Variants in MCUR1 observed in about 807,000 individuals in gnomAD.
The protein encoded by MCUR1 is mitochondrial calcium uniporter regulator 1.
In MCUR1, 37 loss-of-function variants were observed where a neutral mutation model predicts 42.0. The ratio of observed to expected loss-of-function variants is 0.88; its 90% CI spans 0.68 to 1.16. MCUR1 has a LOEUF of 1.16. Ranked by LOEUF, MCUR1 falls within the 50% of genes most tolerant of loss-of-function variation. The pLI, the probability that MCUR1 is intolerant of heterozygous loss-of-function variation, is 0.00. For synonymous variants in MCUR1, 229 were observed against 196.2 expected (o/e 1.17, Z -1.40); for missense variants, 469 against 468.4 (o/e 1.00, Z -0.01).
chr6:13,805,240 C>T (rs1451378389), intron 2 of MCUR1, among the ~76,000 whole-genome samples: 1 of 152,000 alleles, frequency 6.6e-6, no homozygotes, highest in Non-Finnish European at 1.5e-5. Flanking sequence ...CATCCTCCCA[C>T]CTCAGCCTCC....
chr6:13,803,957 C>A, intron 2 of MCUR1: 1 of 932,644 alleles, frequency 1.1e-6, no homozygotes, highest in Non-Finnish European at 1.3e-6. Context: ...CATAGTGATC[C>A]CATCTCCATT....
rs145539002 is a variant in MCUR1 at position 13,807,013 on chromosome 6, C to T, written c.447G>A (p.Leu149=). The change falls in exon 2 of 9, where the codon CTG becomes CTA. Residue 149 remains leucine, a synonymous_variant. Transcript: ENST00000379170. ...ELSLSAGSLQ[L]ERKRRDFTSS... Reference sequence around the variant, plus strand: ...AGGTGAAATCTCTCCTTTTGCGCTCCAGCTGCAGGGATCCAGCAGACAAGC... The same window carrying T: ...AGGTGAAATCTCTCCTTTTGCGCTCTAGCTGCAGGGATCCAGCAGACAAGC... The T allele has an allele frequency of 2.1e-5, 34 of 1,613,058 alleles. No homozygotes were observed. The African/African-American group carries it at 3.7e-4, about 18-fold the overall frequency.
chr6:13,800,418 C>T (rs555350669), intron 4 of MCUR1, 36 bp from the exon 5 acceptor site: 7 of 1,216,296 alleles, frequency 5.8e-6, no homozygotes, highest in Middle Eastern at 1.9e-4. Flanking sequence ...TTAGAAAGAA[C>T]AACATAAAAC....
At chr6:13,808,598 G>GT (rs1760162670) in intron 1 of MCUR1, among the ~76,000 whole-genome samples, 1 of 152,140 alleles carries the variant, frequency 6.6e-6, no homozygotes, top group Non-Finnish European at 1.5e-5. Context: ...GGTAATCCAA[G>GT]TACATGAAAA....
At chr6:13,812,084 G>A (rs1760248477) in intron 1 of MCUR1, among the ~76,000 whole-genome samples, 1 of 152,122 alleles carries the variant, frequency 6.6e-6, no homozygotes. Flanking sequence ...AAGGAAGCGA[G>A]CCAACTGAGC....
chr6:13,796,131 A>G (rs1362414631), intron 6 of MCUR1, among the ~76,000 whole-genome samples: 1 of 152,210 alleles, frequency 6.6e-6, no homozygotes, highest in Non-Finnish European at 1.5e-5. Context: ...CAAGTAAAAT[A>G]AAATCAGGGT....
chr6:13,789,399 CAAAAAA>C lies in MCUR1; in HGVS notation c.*1404_*1409del, dbSNP rs1011349894. The C allele has an allele frequency of 8.4e-6, 1 of 119,274 alleles. No homozygotes were observed. The highest frequency in any genetic ancestry group is 1.8e-5 in the Non-Finnish European group (1 of 55,718). 7.4% of individuals were successfully genotyped at this position (119,274 alleles called of 1,614,324 possible). A position where few individuals can be genotyped will look rare whatever the true frequency, so the allele number is the denominator to read the frequency against. On this transcript the variant is annotated 3_prime_UTR_variant, in exon 9 of 9. Coordinates refer to ENST00000379170, the MANE Select transcript of MCUR1 (RefSeq NM_001031713.4). ...CCTGCGACAGTGCGAGACTCCGTCT[CAAAAAA>C]AAAAAAAAGGTGAGAATGTGCTTTT... is the stretch of plus-strand genomic sequence containing the variant.
At chr6:13,803,078 T>C (rs557319533) in intron 2 of MCUR1, among the ~76,000 whole-genome samples, 3 of 152,308 alleles carry the variant, frequency 2.0e-5, no homozygotes, top group African/African-American at 7.2e-5. Context: ...TTTTTTTTTT[T>C]GAGACAGAGT....
chr6:13,806,626 C>T (rs1461669796), intron 2 of MCUR1, among the ~76,000 whole-genome samples: 1 of 152,014 alleles, frequency 6.6e-6, no homozygotes, highest in African/African-American at 2.4e-5. Flanking sequence ...GCCTAAAAGT[C>T]AAAGAGATAC....
rs755959991 is a variant in MCUR1, at chr6:13,807,023, G to C, written c.437C>G (p.Ser146Cys). Residue 146 changes from serine to cysteine, a missense_variant, in exon 2 of 9, where the codon TCC (serine) becomes TGC (cysteine). Physicochemically the swap from Ser to Cys is moderately radical, Grantham distance 112. Coordinates refer to ENST00000379170, the MANE Select transcript of MCUR1 (RefSeq NM_001031713.4). ...CRRELSLSAG[S>C]LQLERKRRDF... ...TCTCCTTTTGCGCTCCAGCTGCAGG[G>C]ATCCAGCAGACAAGCTTAGCTCTAG... is the stretch of plus-strand genomic sequence containing the variant. The C allele has an allele frequency of 6.2e-7, 1 of 1,612,548 alleles. No homozygotes were observed. Among genetic ancestry groups the C allele is most frequent in the Admixed American group, 1.7e-5 (1 of 59,876 alleles).
chr6:13,794,967 AAGATTTAATTG>A (rs1448697780), intron 6 of MCUR1, among the ~76,000 whole-genome samples: 1 of 152,166 alleles, frequency 6.6e-6, no homozygotes, highest in Non-Finnish European at 1.5e-5. Flanking sequence ...AGTGGGCAAC[AAGATTTAATTG>A]AGCATATGAC....
intron 6 of MCUR1, among the ~76,000 whole-genome samples, chr6:13,795,130 A>G (rs895407755): frequency 4.0e-5 from 6 of 151,874 alleles, no homozygotes; most frequent in African/African-American, 7.3e-5. Context: ...GTAGAAAAAA[A>G]AAAAAGAAAA....
Position 13,786,749 on chromosome 6 carries a change from G to C in MCUR1, c.*4060C>G, listed in dbSNP as rs1367133014. On this transcript the variant is annotated 3_prime_UTR_variant, in exon 9 of 9. Coordinates refer to ENST00000379170, the MANE Select transcript of MCUR1 (RefSeq NM_001031713.4). ...CACACAGAATTAAATATTTTAGATA[G>C]TAAGAATCTTACACTTTATTAGATA... 6.6e-6 allele frequency: 1 copy of C among 152,114 alleles called. No individual in the cohort carries two copies. The highest frequency in any genetic ancestry group is 1.5e-5 in the Non-Finnish European group (1 of 68,018). The allele number at this position is 152,114 out of a possible 1,614,324, so 9.4% of individuals were successfully genotyped here.
At chr6:13,809,904 GA>G (rs959840528) in intron 1 of MCUR1, among the ~76,000 whole-genome samples, 7 of 146,176 alleles carry the variant, frequency 4.8e-5, no homozygotes, top group African/African-American at 1.5e-4. Flanking sequence ...ATCCTGTATC[GA>G]AAAAAAAAAT....
chr6:13,791,406 C>T (rs573081894), intron 8 of MCUR1, among the ~76,000 whole-genome samples: 7 of 152,188 alleles, frequency 4.6e-5, no homozygotes, highest in African/African-American at 1.7e-4. Flanking sequence ...TAATCCAAGA[C>T]GTTAAATCTG....
Position 13,814,474 on chromosome 6 carries a change from T to A in MCUR1, c.-45A>T. 1 of 1,435,294 alleles carries A rather than the reference T, an allele frequency of 7.0e-7. No individual in the cohort carries two copies. Among genetic ancestry groups the A allele is most frequent in the Non-Finnish European group, 9.1e-7 (1 of 1,103,478 alleles). 88.9% of individuals were successfully genotyped at this position (1,435,294 alleles called of 1,614,324 possible). A position where few individuals can be genotyped will look rare whatever the true frequency, so the allele number is the denominator to read the frequency against. ...CCGGGCGCGCGCTCATGCCTCTCGC[T>A]TTTGGCGCCGGCCACGCGCGGTCCA... On this transcript the variant is annotated 5_prime_UTR_variant, in exon 1 of 9. The change creates a new upstream start codon in the 5' untranslated region. Transcript: ENST00000379170.
chr6:13,790,150 A>C lies in MCUR1; in HGVS notation c.*659T>G, dbSNP rs1425725720. 1 of 152,208 alleles carries C rather than the reference A, an allele frequency of 6.6e-6. No individual in the cohort carries two copies. Among genetic ancestry groups the C allele is most frequent in the Admixed American group, 6.5e-5 (1 of 15,280 alleles). The allele number at this position is 152,208 out of a possible 1,614,324, so 9.4% of individuals were successfully genotyped here. A position where few individuals can be genotyped will look rare whatever the true frequency, so the allele number is the denominator to read the frequency against. ...ACTTATTAAAGCCATTGTGCCCTGAACATGGAGACCCCCAAATCCTCTATG... is the reference window on the plus strand; with the variant it reads ...ACTTATTAAAGCCATTGTGCCCTGACCATGGAGACCCCCAAATCCTCTATG... On this transcript the variant is annotated 3_prime_UTR_variant, in exon 9 of 9. Coordinates refer to ENST00000379170, the MANE Select transcript of MCUR1 (RefSeq NM_001031713.4).
chr6:13,796,291 C>CTTTTTT (rs369077522), intron 6 of MCUR1, among the ~76,000 whole-genome samples: 2,912 of 139,164 alleles, frequency 0.021, 95 homozygotes, highest in African/African-American at 0.074. Context: ...TTTTTCTTTT[C>CTTTTTT]TTTTTTTTTT....
chr6:13,802,413 T>A, intron 2 of MCUR1, 67 bp from the exon 3 acceptor site: 1 of 1,227,096 alleles, frequency 8.1e-7, no homozygotes, highest in South Asian at 1.2e-5. Flanking sequence ...AATGCACACA[T>A]TCATGTGAAT....
Sources: allele counts gnomAD v4.1 joint callset (sites outside exome capture counted in the v4.1 genomes callset), GRCh38; gene constraint gnomAD v4.1.1; transcripts MANE v1.5; gene names NCBI Gene and HGNC (gene_info 2026-07-23, HGNC 2026-07-21).